Variants in AGBL4 observed in about 807,000 individuals in gnomAD.
AGBL4 encodes cytosolic carboxypeptidase 6.
In AGBL4, 58 loss-of-function variants were observed where a neutral mutation model predicts 66.4. The observed-to-expected ratio is 0.87, with a 90% confidence interval of 0.71 to 1.09. AGBL4 has a LOEUF of 1.09. AGBL4 is among the 50% of genes least tolerant of loss of function. The pLI is 0.00. For synonymous variants in AGBL4, 234 were observed against 222.9 expected (o/e 1.05, Z -0.44); for missense variants, 579 against 631.0 (o/e 0.92, Z 0.88).
chr1:48,592,397 A>G (rs1015703284), intron 9 of AGBL4, among the ~76,000 whole-genome samples: 1 of 152,216 alleles, frequency 6.6e-6, no homozygotes, highest in African/African-American at 2.4e-5. Flanking sequence ...GGGCTCAATG[A>G]CTGTCATTTC....
At chr1:49,257,017 T>C (rs1210698750) in intron 3 of AGBL4, among the ~76,000 whole-genome samples, 9 of 151,342 alleles carry the variant, frequency 5.9e-5, no homozygotes, top group Admixed American at 5.9e-4. Context: ...GCAGATTAGT[T>C]TATGGACTCA....
chr1:49,871,992 C>A (rs1571759499), intron 1 of AGBL4, among the ~76,000 whole-genome samples: 1 of 152,000 alleles, frequency 6.6e-6, no homozygotes, highest in Non-Finnish European at 1.5e-5. Flanking sequence ...AGAAAAACTT[C>A]CAGGATTCTC....
chr1:48,690,504 C>T (rs1406880975), intron 6 of AGBL4, among the ~76,000 whole-genome samples: 1 of 152,174 alleles, frequency 6.6e-6, no homozygotes, highest in East Asian at 1.9e-4. Context: ...CAAGCCCCTC[C>T]TTTTCCAGAT....
intron 3 of AGBL4, among the ~76,000 whole-genome samples, chr1:49,677,665 AATTGTGACCCCCAAAATT>A (rs2124548655): frequency 6.6e-6 from 1 of 152,196 alleles, no homozygotes; most frequent in South Asian, 2.1e-4. Flanking sequence ...CCATGAACTG[AATTGTGACCCCCAAAATT>A]AGTATTTTGA....
chr1:49,517,390 T>C (rs1230626898), intron 3 of AGBL4, among the ~76,000 whole-genome samples: 2 of 151,726 alleles, frequency 1.3e-5, no homozygotes, highest in African/African-American at 4.8e-5. Context: ...TCACAGCACA[T>C]AATATATAAA....
At chr1:49,660,869 CAT>C (rs2124489871) in intron 3 of AGBL4, among the ~76,000 whole-genome samples, 1 of 152,024 alleles carries the variant, frequency 6.6e-6, no homozygotes, top group East Asian at 1.9e-4. Context: ...ACAAATACCA[CAT>C]GTTCTCACTT....
intron 5 of AGBL4, among the ~76,000 whole-genome samples, chr1:48,875,959 C>G (rs888273941): frequency 2.0e-5 from 3 of 152,136 alleles, no homozygotes; most frequent in Admixed American, 6.5e-5. Context: ...AGGGAAAAAT[C>G]TTGGCTTATT....
chr1:49,762,563 C>A lies in AGBL4; in HGVS notation c.158-65126G>T, dbSNP rs1231699501. Among the ~76,000 whole-genome samples the A allele has an allele frequency of 2.0e-5, 3 of 152,062 alleles. No homozygotes were observed. In the South Asian group the frequency reaches 6.2e-4, roughly 32 times the overall value. ...GAGTAGCTGGGACTACAGGCGCCTG[C>A]CACCATGCCCAGCTAATTTTTTGTA... On this transcript the variant is annotated intron_variant, in intron 2 of 13. Transcript: ENST00000371839.
intron 3 of AGBL4, among the ~76,000 whole-genome samples, chr1:49,432,442 G>T (rs936564174): frequency 6.6e-6 from 1 of 152,058 alleles, no homozygotes; most frequent in Non-Finnish European, 1.5e-5. Flanking sequence ...TGGGCCACAA[G>T]AAATAACAGC....
At chr1:49,017,871 G>T (rs928737060) in intron 5 of AGBL4, among the ~76,000 whole-genome samples, 15 of 152,180 alleles carry the variant, frequency 9.9e-5, no homozygotes, top group Non-Finnish European at 2.2e-4. Flanking sequence ...CAGACCAAAG[G>T]TGTTTCAGGG....
In AGBL4 at chr1:49,733,718, T is replaced by C. The variant is rs1396926743; in HGVS notation, c.158-36281A>G. Among the ~76,000 whole-genome samples the C allele has an allele frequency of 4.6e-5, 7 of 152,308 alleles. No individual in the cohort carries two copies. The East Asian group carries it at 1.3e-3, about 29-fold the overall frequency. ...GCCTTCATTAATAGATTAATGCCACTATTTTTAAAAAGCCTGTAGAAGTAT... is the reference window on the plus strand; with the variant it reads ...GCCTTCATTAATAGATTAATGCCACCATTTTTAAAAAGCCTGTAGAAGTAT... On this transcript the variant is annotated intron_variant, in intron 2 of 13. Transcript: ENST00000371839.
chr1:48,695,849 G>A (rs529145390), intron 6 of AGBL4, among the ~76,000 whole-genome samples: 2 of 152,302 alleles, frequency 1.3e-5, no homozygotes, highest in East Asian at 3.9e-4. Context: ...GGTTTGGTAA[G>A]TACTAGCCTA....
chr1:49,795,844 A>C (rs2147937669), intron 2 of AGBL4, among the ~76,000 whole-genome samples: 1 of 152,174 alleles, frequency 6.6e-6, no homozygotes, highest in South Asian at 2.1e-4. Flanking sequence ...AAACCATAAA[A>C]AGACTAGAAG....
At chr1:48,974,700 T>A (rs1201971948) in intron 5 of AGBL4, among the ~76,000 whole-genome samples, 3 of 152,176 alleles carry the variant, frequency 2.0e-5, no homozygotes, top group Non-Finnish European at 2.9e-5. Context: ...AGAATGACTA[T>A]AAAATACTAT....
At chr1:49,144,528 C>CAT (rs1646179447) in intron 4 of AGBL4, among the ~76,000 whole-genome samples, 1 of 136,352 alleles carries the variant, frequency 7.3e-6, no homozygotes, top group Non-Finnish European at 1.5e-5. Flanking sequence ...ACCTAATCTA[C>CAT]ACACACACAC....
chr1:49,280,365 A>G (rs1049902464), intron 3 of AGBL4, among the ~76,000 whole-genome samples: 4 of 152,268 alleles, frequency 2.6e-5, no homozygotes, highest in Middle Eastern at 6.8e-3. Context: ...CTGCAATGCC[A>G]TGGTCTCTGT....
intron 5 of AGBL4, among the ~76,000 whole-genome samples, chr1:48,921,586 C>G (rs1343433): frequency 0.081 from 12,361 of 152,204 alleles, 680 homozygotes; most frequent in East Asian, 0.16. Flanking sequence ...GCTCACTGCT[C>G]TAGCCCAGAG....
At chr1:50,007,877 G>A (rs1661254523) in intron 1 of AGBL4, among the ~76,000 whole-genome samples, 1 of 152,036 alleles carries the variant, frequency 6.6e-6, no homozygotes, top group Non-Finnish European at 1.5e-5. Context: ...AGCAGAAGTT[G>A]GTATATTTGT....
At chr1:49,483,937 T>G (rs1347273107) in intron 3 of AGBL4, among the ~76,000 whole-genome samples, 1 of 151,584 alleles carries the variant, frequency 6.6e-6, no homozygotes, top group Non-Finnish European at 1.5e-5. Flanking sequence ...TAAAAATGGG[T>G]AAAGATCTGA....
Sources: allele counts gnomAD v4.1 joint callset (sites outside exome capture counted in the v4.1 genomes callset), GRCh38; gene constraint gnomAD v4.1.1; transcripts MANE v1.5; gene names NCBI Gene and HGNC (gene_info 2026-07-23, HGNC 2026-07-21).